UBXN7: variants seen among roughly 807,000 people sequenced by gnomAD.
The protein encoded by UBXN7 is UBX domain-containing protein 7.
In UBXN7, 9 loss-of-function variants were observed where a neutral mutation model predicts 58.0. The ratio of observed to expected loss-of-function variants is 0.16; its 90% CI spans 0.09 to 0.27. The LOEUF (loss-of-function observed/expected upper bound fraction) is 0.27. Ranked by LOEUF, UBXN7 falls within the 10% of genes least tolerant of loss-of-function variation. UBXN7 has a pLI of 1.00. For missense variants in UBXN7, 328 were observed against 599.6 expected, an observed-to-expected ratio of 0.55 and a Z score of 4.73; for synonymous variants, 208 against 205.0, an observed-to-expected ratio of 1.01 and a Z score of -0.12.
intron 10 of UBXN7, 100 bp downstream of exon 10, chr3:196,361,744 A>G (rs1490426200): frequency 1.0e-6 from 1 of 984,528 alleles, no homozygotes; most frequent in Non-Finnish European, 1.6e-6. Context: ...AGACTATGGA[A>G]TAATGTAAAC....
chr3:196,415,237 T>A (rs1424776787), intron 1 of UBXN7, among the ~76,000 whole-genome samples: 3 of 147,408 alleles, frequency 2.0e-5, no homozygotes, highest in African/African-American at 5.0e-5. Flanking sequence ...CCCTGCAACC[T>A]CCACCTCCTG....
At chr3:196,380,127 G>A (rs768469407) in intron 5 of UBXN7, among the ~76,000 whole-genome samples, 12 of 152,092 alleles carry the variant, frequency 7.9e-5, no homozygotes, top group Non-Finnish European at 1.3e-4. Context: ...GCGGGCGCCT[G>A]TGGTCCCAGC....
chr3:196,431,389 G>T (rs1407377106), intron 1 of UBXN7: 1 of 152,358 alleles, frequency 6.6e-6, no homozygotes, highest in Non-Finnish European at 1.5e-5. Flanking sequence ...CCATCAGAGA[G>T]AAACAAGACA....
At chr3:196,422,140 C>T (rs1677978725) in intron 1 of UBXN7, among the ~76,000 whole-genome samples, 1 of 151,392 alleles carries the variant, frequency 6.6e-6, no homozygotes, top group African/African-American at 2.4e-5. Flanking sequence ...ACAGAGGCTG[C>T]AATAAATCAA....
At chr3:196,382,400 T>G (rs1729235762) in intron 5 of UBXN7, among the ~76,000 whole-genome samples, 1 of 152,054 alleles carries the variant, frequency 6.6e-6, no homozygotes, top group Non-Finnish European at 1.5e-5. Context: ...GCTTCATAAG[T>G]GAAGGAGAAA....
Position 196,347,907 on chromosome 3 carries a change from A to AAG in UBXN7, c.*8777_*8778insCT, listed in dbSNP as rs1414381471. On this transcript the variant is annotated 3_prime_UTR_variant, in exon 11 of 11. Coordinates refer to ENST00000296328, the MANE Select transcript of UBXN7 (RefSeq NM_015562.2). The stretch of plus-strand genomic sequence containing the variant: ...GTATTAATATAAAGCAACTGGGTAC[A>AAG]ACACAGCAAGAGTATTCACAATTTG... 1 of 149,154 alleles carries AAG rather than the reference A, an allele frequency of 6.7e-6. No individual in the cohort carries two copies. Among genetic ancestry groups the AAG allele is most frequent in the Non-Finnish European group, 1.5e-5 (1 of 67,612 alleles). 9.2% of individuals were successfully genotyped at this position (149,154 alleles called of 1,614,324 possible).
rs1728845669 is a variant in UBXN7, at chr3:196,371,932, C to T, written c.579G>A (p.Val193=). Residue 193 remains valine (V), a synonymous_variant, in exon 6 of 11, where the codon GTG becomes GTA. Coordinates refer to ENST00000296328, the MANE Select transcript of UBXN7 (RefSeq NM_015562.2). The stretch of plus-strand genomic sequence containing the variant: ...TGAAATGTTCCCGGATAATATTCTT[C>T]ACAGCTTCGTTGCTCCACACATCGC... ...LNRDVWSNEA[V]KNIIREHFIF... 1 of 1,613,444 alleles carries T rather than the reference C, an allele frequency of 6.2e-7. No homozygotes were observed. Among genetic ancestry groups the T allele is most frequent in the Non-Finnish European group, 8.5e-7 (1 of 1,179,888 alleles).
intron 3 of UBXN7, among the ~76,000 whole-genome samples, chr3:196,395,157 G>C (rs1729730375): frequency 6.6e-6 from 1 of 152,168 alleles, no homozygotes; most frequent in Non-Finnish European, 1.5e-5. Context: ...GTTAATAAAT[G>C]ATTAGTATCA....
intron 1 of UBXN7, among the ~76,000 whole-genome samples, chr3:196,423,131 A>C (rs1374964346): frequency 6.6e-6 from 1 of 152,240 alleles, no homozygotes; most frequent in Non-Finnish European, 1.5e-5. Context: ...CCATAACCAG[A>C]GGACACAACA....
At position 196,351,351 on chromosome 3, in the gene UBXN7, T is replaced by G. The variant is rs1034091536; in HGVS notation, c.*5334A>C. The G allele has an allele frequency of 1.3e-5, 2 of 152,178 alleles. No homozygotes were observed. The highest frequency in any genetic ancestry group is 2.4e-5 in the African/African-American group (1 of 41,446). 9.4% of individuals were successfully genotyped at this position (152,178 alleles called of 1,614,324 possible). A position where few individuals can be genotyped will look rare whatever the true frequency, so the allele number is the denominator to read the frequency against. ...CTGATTAGGCACACAGCATTAAGTT[T>G]TAAAAAATAATGAATTGTTTACAAG... On this transcript the variant is annotated 3_prime_UTR_variant, in exon 11 of 11. Transcript: ENST00000296328.
chr3:196,358,742 A>C (rs1560217039), intron 10 of UBXN7, among the ~76,000 whole-genome samples: 1 of 152,146 alleles, frequency 6.6e-6, no homozygotes, highest in African/African-American at 2.4e-5. Flanking sequence ...CTGTCTCAAA[A>C]CAACCAACCA....
At chr3:196,407,201 A>G in intron 2 of UBXN7, 45 bp downstream of exon 2, 1 of 1,585,038 alleles carries the variant, frequency 6.3e-7, no homozygotes, top group Non-Finnish European at 8.6e-7. Context: ...CAACTACTTA[A>G]TTTAGGCAAT....
rs576951874 is a variant in UBXN7, at chr3:196,426,577, G to A, written c.73+5750C>T. Among the ~76,000 whole-genome samples, 47 of 152,090 alleles carry A rather than the reference G, an allele frequency of 3.1e-4. 1 individual carries two copies. The highest frequency in any genetic ancestry group is 1.9e-3 in the South Asian group (9 of 4,814). ...AAAGCATATGAATGAGGCCAGGCGC[G>A]GTGGTTCACACCGGTAATCCCAGCA... On this transcript the variant is annotated intron_variant, in intron 1 of 10. Transcript: ENST00000296328.
chr3:196,425,901 T>C (rs1014850155), intron 1 of UBXN7, among the ~76,000 whole-genome samples: 1 of 152,182 alleles, frequency 6.6e-6, no homozygotes, highest in Non-Finnish European at 1.5e-5. Context: ...TACCATTCTC[T>C]CACTGTATTC....
intron 10 of UBXN7, among the ~76,000 whole-genome samples, chr3:196,361,528 T>G (rs1339253577): frequency 6.6e-6 from 1 of 152,056 alleles, no homozygotes; most frequent in Non-Finnish European, 1.5e-5. Context: ...AAGCAACTGA[T>G]GCAGCAACTT....
At chr3:196,397,185 C>T (rs1022011368) in intron 3 of UBXN7, among the ~76,000 whole-genome samples, 1 of 152,320 alleles carries the variant, frequency 6.6e-6, no homozygotes. Context: ...TCTGTCCTCA[C>T]TCTACTGCCC....
intron 5 of UBXN7, among the ~76,000 whole-genome samples, chr3:196,376,440 G>T (rs1423189807): frequency 6.6e-6 from 1 of 151,050 alleles, no homozygotes; most frequent in Non-Finnish European, 1.5e-5. Flanking sequence ...CAGCTACTCG[G>T]GAGGGTGAGA....
chr3:196,432,302 A>C (rs766975011), intron 1 of UBXN7, 25 bp downstream of exon 1: 4 of 1,612,724 alleles, frequency 2.5e-6, no homozygotes, highest in Non-Finnish European at 8.5e-7. Context: ...CCCACTCTCC[A>C]CCTTCCGGTA....
intron 1 of UBXN7, among the ~76,000 whole-genome samples, chr3:196,410,948 C>G (rs1252115866): frequency 6.6e-6 from 1 of 152,130 alleles, no homozygotes; most frequent in East Asian, 1.9e-4. Context: ...TTTCTTCTTC[C>G]TCATCCTACA....
Sources: allele counts gnomAD v4.1 joint callset (sites outside exome capture counted in the v4.1 genomes callset), GRCh38; gene constraint gnomAD v4.1.1; transcripts MANE v1.5; gene names NCBI Gene and HGNC (gene_info 2026-07-23, HGNC 2026-07-21).